BMP6: variants seen among roughly 807,000 people sequenced by gnomAD.
BMP6 encodes bone morphogenetic protein 6, also known as VG-1-R.
Under a neutral mutation model 54.1 loss-of-function variants are expected in BMP6, and 17 were observed. That is an observed-to-expected ratio of 0.31 (90% confidence interval 0.22 to 0.47). The LOEUF (loss-of-function observed/expected upper bound fraction) is 0.47, where lower values mean the gene tolerates loss of function less well. Among genes scored for constraint, BMP6 ranks in the 20% least tolerant of loss-of-function variants. BMP6 has a pLI of 1.00. For synonymous variants in BMP6, 328 were observed against 291.2 expected (o/e 1.13, Z -1.28); for missense variants, 720 against 690.4 (o/e 1.04, Z -0.48).
chr6:7,745,764 G>A (rs1352461387), intron 1 of BMP6, among the ~76,000 whole-genome samples: 2 of 151,794 alleles, frequency 1.3e-5, no homozygotes, highest in African/African-American at 4.8e-5. Flanking sequence ...GAGATGCACA[G>A]ACAGCTGGCC....
chr6:7,853,247 T>G (rs1485058404), intron 2 of BMP6, among the ~76,000 whole-genome samples: 2 of 152,184 alleles, frequency 1.3e-5, no homozygotes, highest in Admixed American at 1.3e-4. Flanking sequence ...GGAATGTTAG[T>G]TTGATACATC....
chr6:7,750,692 T>G (rs1231359462), intron 1 of BMP6, among the ~76,000 whole-genome samples: 4 of 152,248 alleles, frequency 2.6e-5, no homozygotes, highest in African/African-American at 9.6e-5. Context: ...TTTGACTTTT[T>G]ATTCCCTAGT....
intron 4 of BMP6, among the ~76,000 whole-genome samples, chr6:7,871,609 G>T (rs773061787): frequency 6.6e-6 from 1 of 152,222 alleles, no homozygotes; most frequent in Non-Finnish European, 1.5e-5. Flanking sequence ...GCCTCTGGGC[G>T]GCTGGTGCCC....
chr6:7,831,131 A>G (rs1168711115), intron 1 of BMP6, among the ~76,000 whole-genome samples: 1 of 152,234 alleles, frequency 6.6e-6, no homozygotes, highest in Non-Finnish European at 1.5e-5. Context: ...ATAAATAAGG[A>G]TGGAGTGCAG....
intron 1 of BMP6, among the ~76,000 whole-genome samples, chr6:7,813,108 A>AAAAAAAAAAAATATATAT (rs1554122651): frequency 4.7e-5 from 1 of 21,484 alleles, no homozygotes; most frequent in Non-Finnish European, 7.6e-5. Flanking sequence ...AAAAAAAAAA[A>AAAAAAAAAAAATATATAT]ATATATATAT....
chr6:7,860,997 CATAA>C (rs1326367764), intron 2 of BMP6, among the ~76,000 whole-genome samples: 1 of 150,472 alleles, frequency 6.6e-6, no homozygotes, highest in Non-Finnish European at 1.5e-5. Flanking sequence ...CTAATAGTAT[CATAA>C]ATAAATTTTT....
chr6:7,773,848 C>T, intron 1 of BMP6, among the ~76,000 whole-genome samples: 1 of 152,156 alleles, frequency 6.6e-6, no homozygotes, highest in South Asian at 2.1e-4. Context: ...GACAGGTTCT[C>T]TTCCTCATTT....
chr6:7,878,745 T>A (rs169122), intron 4 of BMP6, among the ~76,000 whole-genome samples: 77,182 of 151,910 alleles, frequency 0.51, 21,162 homozygotes, highest in East Asian at 0.77. Flanking sequence ...CTTCCCGGTC[T>A]GGCGCCTCTG....
At chr6:7,737,224 G>A (rs968234228) in intron 1 of BMP6, among the ~76,000 whole-genome samples, 4 of 151,766 alleles carry the variant, frequency 2.6e-5, no homozygotes, top group Admixed American at 6.6e-5. Flanking sequence ...CACTGTCACT[G>A]GGCTTGAGAA....
At chr6:7,770,064 G>A (rs372350606) in intron 1 of BMP6, among the ~76,000 whole-genome samples, 19 of 147,920 alleles carry the variant, frequency 1.3e-4, no homozygotes, top group Non-Finnish European at 2.4e-4. Context: ...ACCTCCCCTC[G>A]CCCCCTTTTT....
chr6:7,763,895 A>AAT (rs1253164459), intron 1 of BMP6, among the ~76,000 whole-genome samples: 5 of 152,222 alleles, frequency 3.3e-5, no homozygotes, highest in Non-Finnish European at 5.9e-5. Context: ...TACAAGGACC[A>AAT]ATATATTGTG....
intron 1 of BMP6, among the ~76,000 whole-genome samples, chr6:7,742,919 C>T (rs971955774): frequency 1.3e-5 from 2 of 152,280 alleles, no homozygotes; most frequent in Admixed American, 6.5e-5. Context: ...TCCCCCCCTT[C>T]TTATCCCACT....
At chr6:7,782,473 G>A (rs1750304143) in intron 1 of BMP6, among the ~76,000 whole-genome samples, 1 of 152,142 alleles carries the variant, frequency 6.6e-6, no homozygotes, top group African/African-American at 2.4e-5. Flanking sequence ...CACTTTGGAA[G>A]GCTGAGGCGG....
rs1759716946 is a variant in BMP6, at chr6:7,881,162, T to G, written c.*819T>G. 3 of 152,392 alleles carry G rather than the reference T, an allele frequency of 2.0e-5. No individual in the cohort carries two copies. The highest frequency in any genetic ancestry group is 2.9e-5 in the Non-Finnish European group (2 of 68,034). 9.4% of individuals were successfully genotyped at this position (152,392 alleles called of 1,614,324 possible). ...CGGCTCTAGTACCTTTTCAGTAAAGTGGTTCTCTGCCTTTTTACTATACAG... is the reference window on the plus strand; with the variant it reads ...CGGCTCTAGTACCTTTTCAGTAAAGGGGTTCTCTGCCTTTTTACTATACAG... On this transcript the variant is annotated 3_prime_UTR_variant, in exon 7 of 7. Transcript: ENST00000283147.
rs569912531 is a variant in BMP6 at position 7,792,607 on chromosome 6, C to T, written c.665-52533C>T. Among the ~76,000 whole-genome samples, 59 of 152,298 alleles carry T rather than the reference C, an allele frequency of 3.9e-4. No homozygotes were observed. In the South Asian group the frequency reaches 0.011, roughly 29 times the overall value. On this transcript the variant is annotated intron_variant, in intron 1 of 6. Coordinates refer to ENST00000283147, the MANE Select transcript of BMP6 (RefSeq NM_001718.6). ...ACAGGCACACAGGCATACCCAGATG[C>T]GTCTACATATCTGAAAGTGAATGAA...
chr6:7,742,676 T>C (rs1161118278), intron 1 of BMP6, among the ~76,000 whole-genome samples: 1 of 152,130 alleles, frequency 6.6e-6, no homozygotes, highest in Admixed American at 6.5e-5. Flanking sequence ...TTCCAGACCA[T>C]TGGTGAAATG....
At position 7,727,410 on chromosome 6, in the gene BMP6, C is replaced by A. The variant is rs572507551; in HGVS notation, c.455C>A (p.Ala152Glu). ...TCCGCCGACAACGACGAGGACGGGG[C>A]GTCGGAGGGGGAGAGGCAGCAGTCC... ...ALSADNDEDG[A>E]SEGERQQSWP... Residue 152 changes from alanine (A) to glutamate (E), a missense_variant, in exon 1 of 7, where the codon GCG becomes GAG. Ala to Glu is a moderately radical substitution (Grantham distance 107). This residue lies in a region of BMP6 where 650 missense variants were observed against 556.3 expected (regional missense o/e 1.17). Coordinates refer to ENST00000283147, the MANE Select transcript of BMP6 (RefSeq NM_001718.6). The A allele has an allele frequency of 2.0e-5, 32 of 1,606,194 alleles. No homozygotes were observed. In the East Asian group the frequency reaches 5.8e-4, roughly 29 times the overall value.
At chr6:7,851,331 T>C (rs578137932) in intron 2 of BMP6, among the ~76,000 whole-genome samples, 2 of 152,270 alleles carry the variant, frequency 1.3e-5, no homozygotes, top group South Asian at 4.2e-4. Context: ...ATTAGATTAA[T>C]TTTAGGTATT....
chr6:7,771,635 G>T (rs1251556008), intron 1 of BMP6, among the ~76,000 whole-genome samples: 2 of 152,174 alleles, frequency 1.3e-5, no homozygotes, highest in African/African-American at 4.8e-5. Flanking sequence ...GGTCGTATTT[G>T]CTGGCCTCTC....
Sources: allele counts gnomAD v4.1 joint callset (sites outside exome capture counted in the v4.1 genomes callset), GRCh38; gene constraint gnomAD v4.1.1; regional missense constraint gnomAD v4.1.1; transcripts MANE v1.5; gene names NCBI Gene and HGNC (gene_info 2026-07-23, HGNC 2026-07-21).